The following IQGAP2 variants were observed in gnomAD, a reference collection of about 807,000 sequenced individuals.
The protein encoded by IQGAP2 is IQ motif containing GTPase activating protein 2, also known as ras GTPase-activating-like protein IQGAP2.
Under a neutral mutation model 201.3 loss-of-function variants are expected in IQGAP2, and 173 were observed. That is an observed-to-expected ratio of 0.86 (90% CI 0.76 to 0.98). IQGAP2 has a LOEUF of 0.98. Among genes scored for constraint, IQGAP2 ranks in the 50% least tolerant of loss-of-function variants. The pLI is 0.00. For synonymous variants in IQGAP2, 675 were observed against 673.9 expected (o/e 1.00, Z -0.03); for missense variants, 1,687 against 1,864.8 (o/e 0.90, Z 1.76).
intron 2 of IQGAP2, among the ~76,000 whole-genome samples, chr5:76,521,080 G>T (rs1758655179): frequency 6.6e-6 from 1 of 151,666 alleles, no homozygotes; most frequent in Non-Finnish European, 1.5e-5. Context: ...TCTCTTTAAA[G>T]TTGAAGAATC....
intron 17 of IQGAP2, among the ~76,000 whole-genome samples, chr5:76,642,402 G>A (rs75922924): frequency 0.1 from 15,636 of 152,148 alleles, 1,012 homozygotes; most frequent in Middle Eastern, 0.21. Context: ...CTCCACCTCA[G>A]CAGAGGCAAA....
At chr5:76,490,680 A>G (rs753116645) in intron 2 of IQGAP2, among the ~76,000 whole-genome samples, 2 of 152,198 alleles carry the variant, frequency 1.3e-5, no homozygotes, top group Non-Finnish European at 1.5e-5. Flanking sequence ...TGTCATTGTT[A>G]TAACACCCAG....
intron 2 of IQGAP2, among the ~76,000 whole-genome samples, chr5:76,490,575 A>G (rs1561411252): frequency 6.6e-6 from 1 of 152,162 alleles, no homozygotes; most frequent in African/African-American, 2.4e-5. Flanking sequence ...TTCAACAATA[A>G]CTATATAAAA....
chr5:76,502,076 T>A (rs1457034249), intron 2 of IQGAP2, among the ~76,000 whole-genome samples: 1 of 152,220 alleles, frequency 6.6e-6, no homozygotes, highest in East Asian at 1.9e-4. Flanking sequence ...ATAAAATGGT[T>A]GCTATGGTTG....
rs1191160426 is a variant in IQGAP2, at chr5:76,589,603, G to C, written c.527-12G>C. 3 of 1,433,742 alleles carry C rather than the reference G, an allele frequency of 2.1e-6. No homozygotes were observed. In the Admixed American group the frequency reaches 5.5e-5, roughly 26 times the overall value. 88.8% of individuals were successfully genotyped at this position (1,433,742 alleles called of 1,614,324 possible). ...CTCTGATAATGATTATGATTATTTT[G>C]TTCTTTGTTAGAGGAGGAAATCAGT... On this transcript the variant is annotated splice_polypyrimidine_tract_variant and intron_variant, in intron 6 of 35. Coordinates refer to ENST00000274364, the MANE Select transcript of IQGAP2 (RefSeq NM_006633.5).
intron 19 of IQGAP2, 21 bp from the exon 20 acceptor site, chr5:76,654,913 A>C (rs1752790970): frequency 1.3e-6 from 2 of 1,565,842 alleles, no homozygotes. Flanking sequence ...GGAGATCAAG[A>C]CTTGTCTTAA....
intron 2 of IQGAP2, among the ~76,000 whole-genome samples, chr5:76,490,987 CT>C (rs767214200): frequency 0.059 from 6,686 of 112,988 alleles, 323 homozygotes; most frequent in African/African-American, 0.18. Flanking sequence ...AGATTTTCAT[CT>C]TTTTTTTTTT....
chr5:76,544,080 T>C (rs1316742475), intron 2 of IQGAP2, among the ~76,000 whole-genome samples: 4 of 152,092 alleles, frequency 2.6e-5, no homozygotes, highest in South Asian at 2.1e-4. Context: ...CTGGTAGGCA[T>C]CACTTTCTAG....
chr5:76,407,075 C>A (rs1289778300), intron 1 of IQGAP2, among the ~76,000 whole-genome samples: 1 of 152,092 alleles, frequency 6.6e-6, no homozygotes, highest in African/African-American at 2.4e-5. Flanking sequence ...AACCTCCCAG[C>A]CTCAAGCTGT....
intron 2 of IQGAP2, among the ~76,000 whole-genome samples, chr5:76,499,638 T>A (rs1757168172): frequency 6.6e-6 from 1 of 152,064 alleles, no homozygotes; most frequent in Non-Finnish European, 1.5e-5. Flanking sequence ...AGTTTCAAGG[T>A]AAGATAGTAG....
chr5:76,536,031 C>G (rs17748061), intron 2 of IQGAP2, among the ~76,000 whole-genome samples: 1 of 150,564 alleles, frequency 6.6e-6, no homozygotes, highest in Non-Finnish European at 1.5e-5. Context: ...TCTCCTAGCA[C>G]GTACCCATTT....
At chr5:76,539,845 A>G (rs954425728) in intron 2 of IQGAP2, among the ~76,000 whole-genome samples, 1 of 152,166 alleles carries the variant, frequency 6.6e-6, no homozygotes, top group African/African-American at 2.4e-5. Context: ...AGCCCATTTA[A>G]CAATATCCTT....
At chr5:76,552,904 G>C (rs12521026) in intron 2 of IQGAP2, among the ~76,000 whole-genome samples, 9,748 of 152,064 alleles carry the variant, frequency 0.064, 724 homozygotes, top group East Asian at 0.43. Context: ...TTCTTTTCAT[G>C]GTATTGTGTG....
intron 2 of IQGAP2, among the ~76,000 whole-genome samples, chr5:76,463,783 A>G (rs747468201): frequency 6.6e-6 from 1 of 152,062 alleles, no homozygotes; most frequent in Non-Finnish European, 1.5e-5. Flanking sequence ...TTTGATGAGT[A>G]TATTAGATGT....
At chr5:76,646,822 A>G (rs1752076059) in intron 17 of IQGAP2, among the ~76,000 whole-genome samples, 1 of 152,014 alleles carries the variant, frequency 6.6e-6, no homozygotes, top group Non-Finnish European at 1.5e-5. Context: ...TTATAATTTT[A>G]TTCCTTTATA....
intron 3 of IQGAP2, among the ~76,000 whole-genome samples, chr5:76,563,587 G>C (rs760821498): frequency 7.9e-5 from 12 of 152,238 alleles, no homozygotes; most frequent in African/African-American, 2.2e-4. Flanking sequence ...AACCTAAAAG[G>C]CTCCTCCATT....
At chr5:76,521,761 T>C (rs1055183931) in intron 2 of IQGAP2, among the ~76,000 whole-genome samples, 3 of 152,336 alleles carry the variant, frequency 2.0e-5, no homozygotes, top group African/African-American at 7.2e-5. Flanking sequence ...CAGAACCACC[T>C]GGAGGGCTTG....
At chr5:76,505,586 A>G (rs1277816399) in intron 2 of IQGAP2, among the ~76,000 whole-genome samples, 2 of 152,140 alleles carry the variant, frequency 1.3e-5, no homozygotes, top group Non-Finnish European at 1.5e-5. Flanking sequence ...CTTAAGTAAC[A>G]AGCTTGGGGA....
chr5:76,618,082 A>C lies in IQGAP2; in HGVS notation c.1521+6899A>C. Reference sequence around the variant, plus strand: ...ACCAGTCCACATGTTACCAAGGCATAGGTGTGCTTGGGCAGGCCCCGGTAG... The same window carrying C: ...ACCAGTCCACATGTTACCAAGGCATCGGTGTGCTTGGGCAGGCCCCGGTAG... On this transcript the variant is annotated intron_variant, in intron 13 of 35. Coordinates refer to ENST00000274364, the MANE Select transcript of IQGAP2 (RefSeq NM_006633.5). The C allele has an allele frequency of 1.9e-6, 3 of 1,614,160 alleles. No homozygotes were observed. The South Asian group carries it at 3.3e-5, about 18-fold the overall frequency.
Sources: allele counts gnomAD v4.1 joint callset (sites outside exome capture counted in the v4.1 genomes callset), GRCh38; gene constraint gnomAD v4.1.1; transcripts MANE v1.5; gene names NCBI Gene and HGNC (gene_info 2026-07-23, HGNC 2026-07-21).